The following CSMD1 variants were observed in gnomAD, a reference collection of about 807,000 sequenced individuals.
CSMD1 encodes the protein CUB and Sushi multiple domains 1.
In CSMD1, 213 loss-of-function variants were observed where a neutral mutation model predicts 417.5. The ratio of observed to expected loss-of-function variants is 0.51; its 90% CI spans 0.46 to 0.57. The LOEUF is 0.57. Ranked by LOEUF, CSMD1 falls within the 20% of genes least tolerant of loss-of-function variation. The probability of loss-of-function intolerance (pLI) is 0.00; values close to 1 mark genes in which losing one functional copy is unlikely to be tolerated. For synonymous variants in CSMD1, 2,862 were observed against 1,736.8 expected, an observed-to-expected ratio of 1.65 and a Z score of -16.11; for missense variants, 6,923 against 4,529.7, an observed-to-expected ratio of 1.53 and a Z score of -15.17.
In CSMD1 at chr8:3,091,531, T is replaced by C; in HGVS notation, c.7270A>G (p.Lys2424Glu). ...TDHATSKKGF[K>E]IRYAAPYCSL... ...ATTTACTTACCTGCATAGCGAATCT[T>C]GAATCCTTTCTTACTGGTGGCATGG... Residue 2424 changes from lysine (K) to glutamate (E), a missense_variant, in exon 48 of 70, where the codon AAG becomes GAG. Lys to Glu is a moderately conservative substitution (Grantham distance 56). Coordinates refer to ENST00000635120, the MANE Select transcript of CSMD1 (RefSeq NM_033225.6). The C allele has an allele frequency of 6.2e-7, 1 of 1,604,516 alleles. No homozygotes were observed. Among genetic ancestry groups the C allele is most frequent in the Non-Finnish European group, 8.5e-7 (1 of 1,177,858 alleles).
intron 3 of CSMD1, among the ~76,000 whole-genome samples, chr8:4,307,878 T>C (rs1798335394): frequency 6.6e-6 from 1 of 152,062 alleles, no homozygotes; most frequent in Non-Finnish European, 1.5e-5. Flanking sequence ...CAAGAAGTGT[T>C]CAGTAGAGAG....
chr8:3,679,376 G>A (rs922135993), intron 7 of CSMD1, among the ~76,000 whole-genome samples: 3 of 152,078 alleles, frequency 2.0e-5, no homozygotes, highest in African/African-American at 4.8e-5. Flanking sequence ...AAAGGCAGGG[G>A]TTGCAATCCT....
intron 50 of CSMD1, among the ~76,000 whole-genome samples, chr8:3,034,831 T>C (rs1365474241): frequency 1.3e-5 from 2 of 152,100 alleles, no homozygotes; most frequent in African/African-American, 2.4e-5. Context: ...CTGAGAAATA[T>C]AGAGGATGGT....
At chr8:3,865,306 A>G (rs981876407) in intron 5 of CSMD1, among the ~76,000 whole-genome samples, 1 of 152,198 alleles carries the variant, frequency 6.6e-6, no homozygotes, top group Admixed American at 6.5e-5. Context: ...TCAATGTGAC[A>G]TACGCACTCA....
At chr8:3,673,633 T>A (rs111695099) in intron 7 of CSMD1, among the ~76,000 whole-genome samples, 2,268 of 152,286 alleles carry the variant, frequency 0.015, 65 homozygotes, top group African/African-American at 0.052. Flanking sequence ...ACCTAACGGG[T>A]GCGGGCAACT....
chr8:4,124,205 G>A (rs1802639388), intron 3 of CSMD1, among the ~76,000 whole-genome samples: 1 of 152,104 alleles, frequency 6.6e-6, no homozygotes, highest in African/African-American at 2.4e-5. Flanking sequence ...CGACCAGGAG[G>A]AAGCTTCAGG....
At chr8:4,841,911 CAAAAAA>C (rs397757527) in intron 1 of CSMD1, among the ~76,000 whole-genome samples, 8 of 34,850 alleles carry the variant, frequency 2.3e-4, no homozygotes, top group Admixed American at 5.2e-4. Flanking sequence ...AACTCCGTCT[CAAAAAA>C]AAAAAAAAAA....
At chr8:3,373,161 T>A (rs1810079825) in intron 18 of CSMD1, among the ~76,000 whole-genome samples, 1 of 152,192 alleles carries the variant, frequency 6.6e-6, no homozygotes, top group Admixed American at 6.5e-5. Flanking sequence ...CCAACTATGT[T>A]TAACAGTATA....
Position 3,087,147 on chromosome 8 carries a change from C to A in CSMD1, c.7424G>T (p.Arg2475Leu). The change falls in exon 49 of 70, where the codon CGA becomes CTA. Residue 2475 changes from arginine to leucine, a missense_variant. Physicochemically the swap from Arg to Leu is moderately radical, Grantham distance 102 (BLOSUM62 -2). Coordinates refer to ENST00000635120, the MANE Select transcript of CSMD1 (RefSeq NM_033225.6). ...MVGHSNATCR[R>L]NPLGMYQWDS... ...CCACTGGTACATGCCAAGTGGGTTT[C>A]GTCTACAGGTTGCATTGCTGTGGCC... 1 of 1,613,774 alleles carries A rather than the reference C, an allele frequency of 6.2e-7. No homozygotes were observed. Among genetic ancestry groups the A allele is most frequent in the Non-Finnish European group, 8.5e-7 (1 of 1,179,896 alleles).
At chr8:3,554,201 G>T (rs888530439) in intron 10 of CSMD1, among the ~76,000 whole-genome samples, 2 of 152,132 alleles carry the variant, frequency 1.3e-5, no homozygotes, top group South Asian at 2.1e-4. Context: ...AGCCATTTAA[G>T]GCAAAAAAGA....
In CSMD1 at chr8:3,668,841, C is replaced by T. The variant is rs145205683; in HGVS notation, c.1009+39573G>A. On this transcript the variant is annotated intron_variant, in intron 7 of 69. Transcript: ENST00000635120. ...GTTAAGTAAAGTTATAGAATGAACA[C>T]AATTATAGAATTATATTGCTCTGGT... Among the ~76,000 whole-genome samples, 9 of 152,256 alleles carry T rather than the reference C, an allele frequency of 5.9e-5. No homozygotes were observed. The East Asian group carries it at 1.7e-3, about 29-fold the overall frequency.
chr8:4,337,169 C>T (rs908757197), intron 3 of CSMD1, among the ~76,000 whole-genome samples: 1 of 152,116 alleles, frequency 6.6e-6, no homozygotes, highest in Admixed American at 6.6e-5. Flanking sequence ...TCTATCTATA[C>T]CTCTGTTTGC....
chr8:4,235,518 G>A (rs1228280778), intron 3 of CSMD1, among the ~76,000 whole-genome samples: 1 of 151,760 alleles, frequency 6.6e-6, no homozygotes, highest in Non-Finnish European at 1.5e-5. Context: ...TCTAAGTAAT[G>A]GTACATACAT....
At chr8:3,630,309 A>T (rs1796715489) in intron 7 of CSMD1, among the ~76,000 whole-genome samples, 1 of 152,202 alleles carries the variant, frequency 6.6e-6, no homozygotes, top group South Asian at 2.1e-4. Flanking sequence ...ATGGGCAGGA[A>T]TTACCTAAGG....
At chr8:4,881,562 C>A in intron 1 of CSMD1, among the ~76,000 whole-genome samples, 1 of 147,996 alleles carries the variant, frequency 6.8e-6, no homozygotes, top group African/African-American at 2.5e-5. Flanking sequence ...ATCTCATTTA[C>A]GCCTCAATAT....
rs141045290 is a variant in CSMD1, at chr8:4,036,800, G to C, written c.416-4701C>G. Among the ~76,000 whole-genome samples, 599 of 152,350 alleles carry C rather than the reference G, an allele frequency of 3.9e-3. 3 individuals are homozygous for C. The highest frequency in any genetic ancestry group is 0.012 in the South Asian group (60 of 4,828). On this transcript the variant is annotated intron_variant, in intron 3 of 69. Coordinates refer to ENST00000635120, the MANE Select transcript of CSMD1 (RefSeq NM_033225.6). ...AGCACCACTATTTCATTATAACATG[G>C]ATGAGAAAAATAAATAGATTCCTGA...
chr8:3,224,580 G>C (rs981174690), intron 27 of CSMD1, among the ~76,000 whole-genome samples: 14 of 152,284 alleles, frequency 9.2e-5, no homozygotes, highest in South Asian at 2.1e-4. Flanking sequence ...AGCTGAGCTG[G>C]AGCATTACTC....
chr8:3,615,198 A>C (rs1802075949), intron 8 of CSMD1, among the ~76,000 whole-genome samples: 1 of 152,142 alleles, frequency 6.6e-6, no homozygotes, highest in Non-Finnish European at 1.5e-5. Flanking sequence ...CCTCTGGAGA[A>C]CTTCCTTGAG....
At chr8:3,304,269 C>T (rs2117361470) in intron 25 of CSMD1, among the ~76,000 whole-genome samples, 1 of 152,170 alleles carries the variant, frequency 6.6e-6, no homozygotes, top group Non-Finnish European at 1.5e-5. Flanking sequence ...TTCAAGTTAA[C>T]ATTGTAGGTA....
Sources: allele counts gnomAD v4.1 joint callset (sites outside exome capture counted in the v4.1 genomes callset), GRCh38; gene constraint gnomAD v4.1.1; transcripts MANE v1.5; gene names NCBI Gene and HGNC (gene_info 2026-07-23, HGNC 2026-07-21).